The following TRAK1 variants were observed in gnomAD, a reference collection of about 807,000 sequenced individuals.
TRAK1 encodes trafficking kinesin protein 1.
Under a neutral mutation model 92.1 loss-of-function variants are expected in TRAK1, and 33 were observed. The ratio of observed to expected loss-of-function variants is 0.36; its 90% CI spans 0.27 to 0.48. The LOEUF (loss-of-function observed/expected upper bound fraction) is 0.48, where lower values mean the gene tolerates loss of function less well. Ranked by LOEUF, TRAK1 falls within the 20% of genes least tolerant of loss-of-function variation. The pLI is 0.99. For synonymous variants in TRAK1, 521 were observed against 517.3 expected, an observed-to-expected ratio of 1.01 and a Z score of -0.10; for missense variants, 1,123 against 1,257.9, an observed-to-expected ratio of 0.89 and a Z score of 1.62.
At chr3:42,089,785 C>T (rs1704905149), upstream of TRAK1, among the ~76,000 whole-genome samples, 1 of 148,456 alleles carries the variant, frequency 6.7e-6, no homozygotes, top group African/African-American at 2.5e-5. Context: ...TGTGTTTTGT[C>T]TCCCAAACTT....
intron 1 of TRAK1, among the ~76,000 whole-genome samples, chr3:42,020,980 A>C (rs899177127): frequency 6.6e-6 from 1 of 152,210 alleles, no homozygotes; most frequent in African/African-American, 2.4e-5. Context: ...TGGGAAGAAA[A>C]TTGGAGGTTT....
Position 42,223,745 on chromosome 3 carries a change from A to AG in TRAK1, c.*14dup, listed in dbSNP as rs779199733. 6.3e-7 allele frequency: 1 copy of AG among 1,594,224 alleles called. No individual in the cohort carries two copies. Among genetic ancestry groups the AG allele is most frequent in the Admixed American group, 1.7e-5 (1 of 59,294 alleles). On this transcript the variant is annotated 3_prime_UTR_variant, in exon 16 of 16. Transcript: ENST00000327628. The surrounding 1 kb of genome is among the most constrained non-coding windows in gnomAD (Gnocchi z 6.1). The stretch of plus-strand genomic sequence containing the variant: ...CAAACTAGCTTACGGTGAGGACTGG[A>AG]GGGGGGCCGGTTGCCCTAGAGGAGA...
chr3:42,123,625 G>A lies in TRAK1; in HGVS notation c.92-1795G>A, dbSNP rs76700860. ...TTTAATTTTATCTTACCGTGTTTAG[G>A]AATACCTCATACTTTTGGTTCGTCC... is the stretch of plus-strand genomic sequence containing the variant. On this transcript the variant is annotated intron_variant, in intron 1 of 15. Coordinates refer to ENST00000327628, the MANE Select transcript of TRAK1 (RefSeq NM_001042646.3). 5.8e-3 allele frequency among the ~76,000 whole-genome samples: 880 copies of A among 152,292 alleles called. 10 individuals are homozygous for A. The highest frequency in any genetic ancestry group is 0.02 in the African/African-American group (816 of 41,538).
At chr3:42,218,624 T>C (rs1709983438) in intron 14 of TRAK1, 1 of 985,298 alleles carries the variant, frequency 1.0e-6, no homozygotes, top group Admixed American at 6.1e-5. Flanking sequence ...TTGCCAGCTT[T>C]CTCATGCATG....
chr3:42,060,921 G>A (rs190383219), intron 1 of TRAK1, among the ~76,000 whole-genome samples: 5 of 152,056 alleles, frequency 3.3e-5, no homozygotes, highest in Admixed American at 2.0e-4. Context: ...ATGAGCCACC[G>A]CGCCCGGCCT....
intron 1 of TRAK1, among the ~76,000 whole-genome samples, chr3:42,017,520 G>C (rs1282113676): frequency 1.3e-5 from 2 of 152,140 alleles, no homozygotes; most frequent in African/African-American, 4.8e-5. Flanking sequence ...TCAAACAAAT[G>C]TTCCCTATTC....
chr3:42,167,350 C>T (rs1661324954), intron 2 of TRAK1, among the ~76,000 whole-genome samples: 1 of 152,178 alleles, frequency 6.6e-6, no homozygotes, highest in Admixed American at 6.5e-5. Flanking sequence ...ACCTAAACAG[C>T]CCAGGTGGGA....
At chr3:42,059,927 A>T (rs1170924241) in intron 1 of TRAK1, among the ~76,000 whole-genome samples, 1 of 150,624 alleles carries the variant, frequency 6.6e-6, no homozygotes, top group African/African-American at 2.4e-5. Context: ...GTGGACAATG[A>T]TACAATAAAG....
At chr3:42,199,772 C>T (rs11711415) in intron 11 of TRAK1, among the ~76,000 whole-genome samples, 106,988 of 152,158 alleles carry the variant, frequency 0.7, 38,073 homozygotes, top group East Asian at 0.98. Context: ...CCACTGTGCT[C>T]CTCTTCTTCT....
At chr3:42,058,129 G>A (rs2148921893) in intron 1 of TRAK1, among the ~76,000 whole-genome samples, 1 of 152,280 alleles carries the variant, frequency 6.6e-6, no homozygotes, top group Non-Finnish European at 1.5e-5. Flanking sequence ...TGGGAAGTGA[G>A]ACTTGTGGCC....
At chr3:42,092,340 G>C (rs1277492535) in intron 1 of TRAK1, among the ~76,000 whole-genome samples, 2 of 152,208 alleles carry the variant, frequency 1.3e-5, no homozygotes, top group Non-Finnish European at 2.9e-5. Context: ...AGAGAAGTGA[G>C]CTCCTGTTCC....
At chr3:42,029,112 A>G (rs1241087719) in intron 1 of TRAK1, among the ~76,000 whole-genome samples, 1 of 152,092 alleles carries the variant, frequency 6.6e-6, no homozygotes, top group East Asian at 1.9e-4. Context: ...GAGGTGCTAC[A>G]CACTTTTAAA....
At chr3:42,051,227 T>G (rs1453298406) in intron 1 of TRAK1, 1 of 152,290 alleles carries the variant, frequency 6.6e-6, no homozygotes, top group South Asian at 2.1e-4. Context: ...CTTTTCCAGG[T>G]GGGCTTGGCT....
chr3:42,118,087 T>C (rs1448897100), intron 1 of TRAK1, among the ~76,000 whole-genome samples: 1 of 151,376 alleles, frequency 6.6e-6, no homozygotes, highest in African/African-American at 2.4e-5. Context: ...CAAAGTGCTG[T>C]ATTTTTATTG....
chr3:42,046,446 C>T lies in TRAK1; in HGVS notation c.-519+32329C>T, dbSNP rs181046700. ...GTTGGGAATAGGGGCCACGTCTCTA[C>T]GGCAGGGTAGAGTTAGAGGAATGAG... On this transcript the variant is annotated intron_variant, in intron 1 of 16. Transcript: ENST00000487159. Among the ~76,000 whole-genome samples the T allele has an allele frequency of 2.3e-3, 354 of 152,038 alleles. 4 individuals are homozygous for T. The highest frequency in any genetic ancestry group is 1.8e-3 in the Non-Finnish European group (119 of 67,988).
chr3:42,201,862 GGAC>G (rs56135664), intron 12 of TRAK1, among the ~76,000 whole-genome samples: 15,563 of 138,626 alleles, frequency 0.11, 1,037 homozygotes, highest in Non-Finnish European at 0.14. Flanking sequence ...CTGGACGGAC[GGAC>G]GGACGGACGG....
intron 1 of TRAK1, among the ~76,000 whole-genome samples, chr3:42,100,828 G>A (rs1706646427): frequency 6.6e-6 from 1 of 150,970 alleles, no homozygotes; most frequent in African/African-American, 2.5e-5. Flanking sequence ...CACCACACCT[G>A]GCTAATTTTT....
rs995438352 is a variant in TRAK1 at position 42,203,395 on chromosome 3, T to C, written c.1744+643T>C. 5 of 985,604 alleles carry C rather than the reference T, an allele frequency of 5.1e-6. No individual in the cohort carries two copies. The Admixed American group carries it at 1.8e-4, about 36-fold the overall frequency. 61.1% of individuals were successfully genotyped at this position (985,604 alleles called of 1,614,324 possible). A position where few individuals can be genotyped will look rare whatever the true frequency, so the allele number is the denominator to read the frequency against. Reference sequence around the variant, plus strand: ...TTTGTACCTCCGTAAGCCACCCTTTTTCAGGGTCAGTTCATGTGTTAGTAT... The same window carrying C: ...TTTGTACCTCCGTAAGCCACCCTTTCTCAGGGTCAGTTCATGTGTTAGTAT... On this transcript the variant is annotated intron_variant, in intron 13 of 15. Transcript: ENST00000327628.
At chr3:42,201,683 C>T (rs9847064) in intron 12 of TRAK1, among the ~76,000 whole-genome samples, 7,839 of 151,464 alleles carry the variant, frequency 0.052, 682 homozygotes, top group African/African-American at 0.18. Context: ...GTTTTGTGAC[C>T]GTTTTGTAGC....
Sources: allele counts gnomAD v4.1 joint callset (sites outside exome capture counted in the v4.1 genomes callset), GRCh38; gene constraint gnomAD v4.1.1; non-coding constraint Gnocchi (gnomAD v3.1); transcripts MANE v1.5; gene names NCBI Gene and HGNC (gene_info 2026-07-23, HGNC 2026-07-21).